Variants in UGT1A10 observed in about 807,000 individuals in gnomAD.
UGT1A10 encodes the protein UDP glucuronosyltransferase family 1 member A10, also known as UDP-glucuronosyltransferase 1A10.
Under a neutral mutation model 45.8 loss-of-function variants are expected in UGT1A10, and 49 were observed. That is an observed-to-expected ratio of 1.07 (90% CI 0.85 to 1.36). The LOEUF (loss-of-function observed/expected upper bound fraction) is 1.36. UGT1A10 is among the 40% of genes most tolerant of loss of function. The pLI is 0.00. For missense variants in UGT1A10, 745 were observed against 668.6 expected (o/e 1.11, Z -1.26); for synonymous variants, 284 against 249.7 (o/e 1.14, Z -1.29).
At position 233,640,580 on chromosome 2, in the gene UGT1A10, T is replaced by C. The variant is rs28969691; in HGVS notation, c.855+3203T>C. The stretch of plus-strand genomic sequence containing the variant: ...CAGAAATAAACCCATACATCCTTGG[T>C]CAATTGAGTAAGTTCCAAATTTTAT... On this transcript the variant is annotated intron_variant, in intron 1 of 4. Coordinates refer to ENST00000344644, the MANE Select transcript of UGT1A10 (RefSeq NM_019075.4). Among the ~76,000 whole-genome samples the C allele has an allele frequency of 0.02, 3,096 of 152,240 alleles. 229 individuals carry two copies. In the East Asian group the frequency reaches 0.24, roughly 12 times the overall value.
intron 4 of UGT1A10, 132 bp from the exon 5 acceptor site, chr2:233,772,130 A>G: frequency 2.6e-6 from 4 of 1,542,514 alleles, no homozygotes; most frequent in Non-Finnish European, 2.6e-6. Context: ...AACAACAACA[A>G]CAATAATAGA....
intron 1 of UGT1A10, among the ~76,000 whole-genome samples, chr2:233,668,279 C>A (rs1008605323): frequency 6.6e-6 from 1 of 152,092 alleles, no homozygotes; most frequent in Non-Finnish European, 1.5e-5. Flanking sequence ...TTGTTTAAAT[C>A]CCACCTATGA....
intron 1 of UGT1A10, among the ~76,000 whole-genome samples, chr2:233,757,479 A>C (rs1206962025): frequency 6.8e-6 from 1 of 148,148 alleles, no homozygotes; most frequent in Non-Finnish European, 1.5e-5. Flanking sequence ...CTCCAAAACC[A>C]TGGACTGGCA....
Position 233,766,962 on chromosome 2 carries a change from T to G in UGT1A10, c.856-72T>G, listed in dbSNP as rs1699292414. 20 of 1,607,676 alleles carry G rather than the reference T, an allele frequency of 1.2e-5. No homozygotes were observed. In the East Asian group the frequency reaches 4.5e-4, roughly 36 times the overall value. ...TAGTCTTAAGAGGAAGATATCTAAT[T>G]CATAACTTACTGTATGTAGTCATCA... On this transcript the variant is annotated intron_variant, in intron 1 of 4. Coordinates refer to ENST00000344644, the MANE Select transcript of UGT1A10 (RefSeq NM_019075.4).
At position 233,641,554 on chromosome 2, in the gene UGT1A10, A is replaced by C. The variant is rs1482820653; in HGVS notation, c.855+4177A>C. ...AACAGTAGTTTGCACACACAGTTAC[A>C]ATGTTATAATATTCTGTGTATTTCT... On this transcript the variant is annotated intron_variant, in intron 1 of 4. Transcript: ENST00000344644. 2.0e-5 allele frequency among the ~76,000 whole-genome samples: 3 copies of C among 152,206 alleles called. No homozygotes were observed. The East Asian group carries it at 5.8e-4, about 29-fold the overall frequency.
rs764952775 is a variant in UGT1A10 at position 233,762,693 on chromosome 2, ATCTTT to A, written c.856-4336_856-4332del. Reference sequence around the variant, plus strand: ...CATTTGTTCTGTTTCTTTCTCATTCATCTTTTCTTAAGTATTTTACACGGTTTTTT... The same window carrying A: ...CATTTGTTCTGTTTCTTTCTCATTCATCTTAAGTATTTTACACGGTTTTTT... On this transcript the variant is annotated intron_variant, in intron 1 of 4. Coordinates refer to ENST00000344644, the MANE Select transcript of UGT1A10 (RefSeq NM_019075.4). Among the ~76,000 whole-genome samples, 18 of 148,206 alleles carry A rather than the reference ATCTTT, an allele frequency of 1.2e-4. No homozygotes were observed. In the East Asian group the frequency reaches 2.7e-3, roughly 23 times the overall value.
At chr2:233,762,785 A>G (rs1698164172) in intron 1 of UGT1A10, among the ~76,000 whole-genome samples, 1 of 150,724 alleles carries the variant, frequency 6.6e-6, no homozygotes, top group Non-Finnish European at 1.5e-5. Context: ...CTGATTATCT[A>G]CTCATTACTC....
rs781661199 is a variant in UGT1A10, at chr2:233,681,954, G to C, written c.855+44577G>C. The C allele has an allele frequency of 3.7e-6, 6 of 1,613,888 alleles. No individual in the cohort carries two copies. The Admixed American group carries it at 6.7e-5, about 18-fold the overall frequency. On this transcript the variant is annotated intron_variant, in intron 1 of 4. Coordinates refer to ENST00000344644, the MANE Select transcript of UGT1A10 (RefSeq NM_019075.4). ...AGTTCTCTGATGGCTCGTGCAGGGT[G>C]GACTGGCCTCCTTCCCCTATATGTG... is the stretch of plus-strand genomic sequence containing the variant.
rs570585293 is a variant in UGT1A10 at position 233,691,036 on chromosome 2, C to T, written c.855+53659C>T. The T allele has an allele frequency of 6.3e-5, 62 of 989,684 alleles. No individual in the cohort carries two copies. In the African/African-American group the frequency reaches 7.5e-4, roughly 12 times the overall value. The allele number at this position is 989,684 out of a possible 1,614,324, so 61.3% of individuals were successfully genotyped here. A position where few individuals can be genotyped will look rare whatever the true frequency, so the allele number is the denominator to read the frequency against. ...CTGTGGTTGGAAGGGCTCAGACCAA[C>T]GTCCACAGCAGAGTGGAGGTCTAGT... is the stretch of plus-strand genomic sequence containing the variant. On this transcript the variant is annotated intron_variant, in intron 1 of 4. Transcript: ENST00000344644.
At chr2:233,668,415 A>G (rs2074120313) in intron 1 of UGT1A10, among the ~76,000 whole-genome samples, 2 of 152,184 alleles carry the variant, frequency 1.3e-5, no homozygotes, top group Admixed American at 1.3e-4. Context: ...ATAGTATTCC[A>G]TGGTGTATAT....
intron 1 of UGT1A10, chr2:233,761,033 G>A (rs774774935): frequency 1.2e-6 from 2 of 1,614,186 alleles, no homozygotes; most frequent in Non-Finnish European, 1.7e-6. Context: ...GACCTATTGA[G>A]CTCTGCATCT....
rs78733940 is a variant in UGT1A10 at position 233,687,983 on chromosome 2, A to G, written c.855+50606A>G. Among the ~76,000 whole-genome samples, 1,272 of 152,352 alleles carry G rather than the reference A, an allele frequency of 8.3e-3. 13 individuals are homozygous for G. The highest frequency in any genetic ancestry group is 0.029 in the African/African-American group (1,199 of 41,588). On this transcript the variant is annotated intron_variant, in intron 1 of 4. Transcript: ENST00000344644. Reference sequence around the variant, plus strand: ...ATGTAATTCATGTATCGTAAAATTCAGTGGTTTTCTGTGTGCTCCCAGATA... The same window carrying G: ...ATGTAATTCATGTATCGTAAAATTCGGTGGTTTTCTGTGTGCTCCCAGATA...
intron 1 of UGT1A10, among the ~76,000 whole-genome samples, chr2:233,669,452 T>C (rs1321058214): frequency 1.3e-5 from 2 of 152,218 alleles, no homozygotes; most frequent in Non-Finnish European, 2.9e-5. Context: ...CATGAACATA[T>C]CTATTTATTC....
At chr2:233,668,062 T>A (rs2125496825) in intron 1 of UGT1A10, among the ~76,000 whole-genome samples, 1 of 152,036 alleles carries the variant, frequency 6.6e-6, no homozygotes, top group East Asian at 1.9e-4. Flanking sequence ...TGTGCACATT[T>A]TTTTTTATTA....
intron 1 of UGT1A10, among the ~76,000 whole-genome samples, chr2:233,756,694 G>T (rs2125945712): frequency 6.6e-6 from 1 of 152,238 alleles, no homozygotes. Context: ...TAATGACGAT[G>T]AATTTTGGGG....
intron 1 of UGT1A10, among the ~76,000 whole-genome samples, chr2:233,739,715 G>A (rs1691183669): frequency 1.3e-5 from 2 of 152,136 alleles, no homozygotes; most frequent in Admixed American, 6.5e-5. Context: ...TGGGGGAAGG[G>A]ACTTGACTTG....
Position 233,637,038 on chromosome 2 carries a change from A to G in UGT1A10, c.516A>G (p.Ile172Met), listed in dbSNP as rs1231814079. ...CCTCTGTGGTCTTCACCAGGGGAATATTTTGCCACCATCTTGAAGAAGGTG... is the reference window on the plus strand; with the variant it reads ...CCTCTGTGGTCTTCACCAGGGGAATGTTTTGCCACCATCTTGAAGAAGGTG... ...SLPSVVFTRG[I>M]FCHHLEEGAQ... is the part of the protein sequence containing the mutation. Residue 172 changes from isoleucine to methionine, a missense_variant, in exon 1 of 5, where the codon ATA (isoleucine) becomes ATG (methionine). Transcript: ENST00000344644. 1 of 1,613,852 alleles carries G rather than the reference A, an allele frequency of 6.2e-7. No homozygotes were observed. The highest frequency in any genetic ancestry group is 1.7e-5 in the Admixed American group (1 of 59,998).
chr2:233,700,744 T>G (rs2125584021), intron 1 of UGT1A10, among the ~76,000 whole-genome samples: 1 of 152,264 alleles, frequency 6.6e-6, no homozygotes. Flanking sequence ...TATTATACTT[T>G]AAGTTTTAGG....
In UGT1A10 at chr2:233,637,184, A is replaced by G. The variant is rs569576876; in HGVS notation, c.662A>G (p.Gln221Arg). The G allele has an allele frequency of 1.1e-4, 176 of 1,613,996 alleles. No individual in the cohort carries two copies. The South Asian group carries it at 1.9e-3, about 17-fold the overall frequency. ...CACTTGGAGGACCATTTATTTTGCC[A>G]GTATCTTTTTAGAAATGCCCTAGAA... is the stretch of plus-strand genomic sequence containing the variant. ...IVHLEDHLFC[Q>R]YLFRNALEIA... The change falls in exon 1 of 5, where the codon CAG (glutamine) becomes CGG (arginine). Residue 221 changes from glutamine to arginine, a missense_variant. Physicochemically the swap from Gln to Arg is conservative, Grantham distance 43 (BLOSUM62 1). Transcript: ENST00000344644.
Sources: gnomAD v4.1 joint callset for allele counts (sites outside exome capture counted in the v4.1 genomes callset) on GRCh38, gnomAD v4.1.1 for gene constraint, MANE v1.5 for transcripts, NCBI Gene and HGNC (gene_info 2026-07-23, HGNC 2026-07-21) for gene names.